The following GALNT13 variants were observed in gnomAD, a reference collection of about 807,000 sequenced individuals.
The protein encoded by GALNT13 is UDP-GalNAc:polypeptide N-acetylgalactosaminyltransferase 13.
Under a neutral mutation model 64.2 loss-of-function variants are expected in GALNT13, and 28 were observed. That is an observed-to-expected ratio of 0.44 (90% CI 0.32 to 0.60). The LOEUF (loss-of-function observed/expected upper bound fraction) is 0.60. Ranked by LOEUF, GALNT13 falls within the 20% of genes least tolerant of loss-of-function variation. The pLI, the probability that GALNT13 is intolerant of heterozygous loss-of-function variation, is 0.05. For missense variants in GALNT13, 577 were observed against 669.8 expected, an observed-to-expected ratio of 0.86 and a Z score of 1.53; for synonymous variants, 214 against 224.6, an observed-to-expected ratio of 0.95 and a Z score of 0.42.
the GALNT13 span, among the ~76,000 whole-genome samples, chr2:153,834,629 G>A: frequency 2.0e-5 from 3 of 152,102 alleles, no homozygotes; most frequent in African/African-American, 7.2e-5. Flanking sequence ...ATACTTTAGT[G>A]GAGGGGAGGC....
At chr2:154,316,647 G>A (rs1694333363) in intron 9 of GALNT13, among the ~76,000 whole-genome samples, 1 of 152,060 alleles carries the variant, frequency 6.6e-6, no homozygotes, top group Non-Finnish European at 1.5e-5. Context: ...CTCTGTTGAG[G>A]GCCTTCTTGC....
chr2:154,048,979 A>G lies in GALNT13; in HGVS notation c.143-91358A>G, dbSNP rs115222876. Among the ~76,000 whole-genome samples the G allele has an allele frequency of 2.3e-3, 297 of 130,282 alleles. 1 individual carries two copies. The highest frequency in any genetic ancestry group is 8.1e-3 in the African/African-American group (265 of 32,594). 85.5% of individuals were successfully genotyped at this position (130,282 alleles called of 152,430 possible). On this transcript the variant is annotated intron_variant, in intron 3 of 12. Coordinates refer to ENST00000392825, the MANE Select transcript of GALNT13 (RefSeq NM_052917.4). ...AGTCAAGTACATGTGGATGTATATT[A>G]TCTTTATAAATTAAGATATTACGTG... is the stretch of plus-strand genomic sequence containing the variant.
chr2:153,402,292 G>C, the GALNT13 span, among the ~76,000 whole-genome samples: 1 of 152,020 alleles, frequency 6.6e-6, no homozygotes, highest in African/African-American at 2.4e-5. Flanking sequence ...TCTGCCGAGA[G>C]ATCTGCTGTT....
chr2:153,825,978 T>G, the GALNT13 span, among the ~76,000 whole-genome samples: 29 of 152,262 alleles, frequency 1.9e-4, 1 homozygote, highest in African/African-American at 5.3e-4. Flanking sequence ...AGCTTTCTCC[T>G]CCTCATTTTC....
At position 154,417,489 on chromosome 2, in the gene GALNT13, T is replaced by TTTTA. The variant is rs59851032; in HGVS notation, c.1395+8439_1395+8442dup. Among the ~76,000 whole-genome samples the TTTTA allele has an allele frequency of 2.5e-3, 332 of 132,340 alleles. 1 individual carries two copies. Among genetic ancestry groups the TTTTA allele is most frequent in the South Asian group, 4.8e-3 (20 of 4,154 alleles). The allele number at this position is 132,340 out of a possible 152,430, so 86.8% of individuals were successfully genotyped here. A position where few individuals can be genotyped will look rare whatever the true frequency, so the allele number is the denominator to read the frequency against. On this transcript the variant is annotated intron_variant, in intron 11 of 12. Transcript: ENST00000392825. ...CCCATTTGCCATGACCTTGCCATGC[T>TTTTA]TTTATTTATTTATTTATTTATTTAT...
intron 4 of GALNT13, among the ~76,000 whole-genome samples, chr2:154,145,487 A>G (rs1683538855): frequency 6.6e-6 from 1 of 152,002 alleles, no homozygotes; most frequent in Non-Finnish European, 1.5e-5. Flanking sequence ...ACTTGAATTC[A>G]GTCATTTAAT....
the GALNT13 span, among the ~76,000 whole-genome samples, chr2:153,622,837 A>G: frequency 6.6e-6 from 1 of 152,120 alleles, no homozygotes; most frequent in Non-Finnish European, 1.5e-5. Flanking sequence ...TTATGATTAC[A>G]TTAAATGGTA....
chr2:153,488,038 T>C, the GALNT13 span, among the ~76,000 whole-genome samples: 77 of 152,344 alleles, frequency 5.1e-4, no homozygotes, highest in Non-Finnish European at 4.4e-4. Flanking sequence ...ATACATTACA[T>C]GTTAAATAAA....
chr2:153,333,801 A>G, the GALNT13 span, among the ~76,000 whole-genome samples: 1 of 152,232 alleles, frequency 6.6e-6, no homozygotes, highest in Non-Finnish European at 1.5e-5. Flanking sequence ...TTATTATTGT[A>G]TGTAGATGCT....
the GALNT13 span, among the ~76,000 whole-genome samples, chr2:153,672,041 G>T: frequency 6.6e-6 from 1 of 152,176 alleles, no homozygotes; most frequent in East Asian, 1.9e-4. Flanking sequence ...GGAGCACCCA[G>T]ATTCATAAAG....
At chr2:154,431,720 G>A (rs1700718608) in intron 11 of GALNT13, among the ~76,000 whole-genome samples, 1 of 152,166 alleles carries the variant, frequency 6.6e-6, no homozygotes, top group Non-Finnish European at 1.5e-5. Context: ...GTCATGAGAG[G>A]GACCTGGTGG....
At chr2:154,220,181 A>G (rs1017591563) in intron 4 of GALNT13, among the ~76,000 whole-genome samples, 4 of 152,082 alleles carry the variant, frequency 2.6e-5, no homozygotes. Context: ...TACTAGAATC[A>G]TGTTGACGCA....
the GALNT13 span, among the ~76,000 whole-genome samples, chr2:153,476,683 G>C: frequency 2.0e-5 from 3 of 152,094 alleles, no homozygotes; most frequent in Middle Eastern, 3.2e-3. Context: ...CCTGGTCTGG[G>C]GCATACTAAA....
At chr2:154,400,956 A>C (rs1699274862) in intron 10 of GALNT13, among the ~76,000 whole-genome samples, 1 of 152,112 alleles carries the variant, frequency 6.6e-6, no homozygotes, top group Non-Finnish European at 1.5e-5. Flanking sequence ...TGTGAACTAA[A>C]ATTGAACACA....
intron 9 of GALNT13, among the ~76,000 whole-genome samples, chr2:154,394,626 A>G (rs1214467744): frequency 6.6e-6 from 1 of 152,254 alleles, no homozygotes; most frequent in Non-Finnish European, 1.5e-5. Flanking sequence ...AATACTTAAC[A>G]TAATGAGAAA....
At position 154,335,907 on chromosome 2, in the gene GALNT13, C is replaced by T. The variant is rs199777325; in HGVS notation, c.1156+34318C>T. On this transcript the variant is annotated intron_variant, in intron 9 of 12. Transcript: ENST00000392825. Reference sequence around the variant, plus strand: ...TCCTCTTGATTTGGCAACTTTATCTCTTATATTTCCACTAAGTCTAAATTT... The same window carrying T: ...TCCTCTTGATTTGGCAACTTTATCTTTTATATTTCCACTAAGTCTAAATTT... Among the ~76,000 whole-genome samples the T allele has an allele frequency of 1.4e-4, 22 of 152,054 alleles. No individual in the cohort carries two copies. The East Asian group carries it at 3.9e-3, about 27-fold the overall frequency.
the GALNT13 span, among the ~76,000 whole-genome samples, chr2:153,789,910 T>A: frequency 6.6e-6 from 1 of 152,050 alleles, no homozygotes; most frequent in African/African-American, 2.4e-5. Flanking sequence ...AGCAGACCAA[T>A]AATGAGCTCC....
chr2:153,607,784 C>T, the GALNT13 span, among the ~76,000 whole-genome samples: 1 of 151,650 alleles, frequency 6.6e-6, no homozygotes. Context: ...AGTGTTTGTC[C>T]CACCCTTAAG....
At chr2:154,200,914 G>C (rs992752368) in intron 4 of GALNT13, among the ~76,000 whole-genome samples, 21 of 152,160 alleles carry the variant, frequency 1.4e-4, no homozygotes, top group African/African-American at 2.2e-4. Flanking sequence ...TTGGGAACTA[G>C]CCTAGAAAAT....
Sources: gnomAD v4.1 joint callset for allele counts (sites outside exome capture counted in the v4.1 genomes callset) on GRCh38, gnomAD v4.1.1 for gene constraint, MANE v1.5 for transcripts, NCBI Gene and HGNC (gene_info 2026-07-23, HGNC 2026-07-21) for gene names.